The following DENND5B variants were observed in gnomAD, a reference collection of about 807,000 sequenced individuals.
DENND5B encodes DENN domain containing 5B.
Under a neutral mutation model 140.6 loss-of-function variants are expected in DENND5B, and 34 were observed. That is an observed-to-expected ratio of 0.24 (90% confidence interval 0.18 to 0.32). The LOEUF (loss-of-function observed/expected upper bound fraction) is 0.32, where lower values mean the gene tolerates loss of function less well. DENND5B is among the 10% of genes least tolerant of loss of function. DENND5B has a pLI of 1.00. For synonymous variants in DENND5B, 551 were observed against 562.1 expected, an observed-to-expected ratio of 0.98 and a Z score of 0.28; for missense variants, 1,142 against 1,560.2, an observed-to-expected ratio of 0.73 and a Z score of 4.52.
chr12:31,573,129 GTACAA>G (rs1949881372), intron 1 of DENND5B, among the ~76,000 whole-genome samples: 1 of 152,080 alleles, frequency 6.6e-6, no homozygotes, highest in Admixed American at 6.6e-5. Context: ...AGGGAACAGG[GTACAA>G]AATAGTTCCC....
intron 2 of DENND5B, among the ~76,000 whole-genome samples, chr12:31,485,850 G>A (rs930630179): frequency 1.3e-5 from 2 of 152,112 alleles, no homozygotes; most frequent in African/African-American, 4.8e-5. Flanking sequence ...GAGACCAAAT[G>A]AAAGACCACA....
At chr12:31,531,886 T>C (rs12820294) in intron 1 of DENND5B, among the ~76,000 whole-genome samples, 20,431 of 152,140 alleles carry the variant, frequency 0.13, 1,619 homozygotes, top group Non-Finnish European at 0.18. Flanking sequence ...GGCTACTTAT[T>C]TGGAGACATG....
At chr12:31,471,793 A>C (rs1945574564) in intron 3 of DENND5B, among the ~76,000 whole-genome samples, 1 of 152,312 alleles carries the variant, frequency 6.6e-6, no homozygotes, top group South Asian at 2.1e-4. Context: ...ACAGATGGCT[A>C]TATGTGATCC....
At chr12:31,565,919 A>T (rs1446342656) in intron 1 of DENND5B, among the ~76,000 whole-genome samples, 1 of 152,078 alleles carries the variant, frequency 6.6e-6, no homozygotes, top group African/African-American at 2.4e-5. Flanking sequence ...GGGCAGGTGG[A>T]TTGCTTGAAC....
At chr12:31,532,900 G>A (rs1008498814) in intron 1 of DENND5B, among the ~76,000 whole-genome samples, 21 of 152,170 alleles carry the variant, frequency 1.4e-4, no homozygotes, top group African/African-American at 5.1e-4. Flanking sequence ...CGTGGGACCA[G>A]AAGACCTAGG....
At chr12:31,428,247 CAGG>C in intron 8 of DENND5B, among the ~76,000 whole-genome samples, 1 of 149,772 alleles carries the variant, frequency 6.7e-6, no homozygotes, top group Non-Finnish European at 1.5e-5. Context: ...GAGGCTGAGG[CAGG>C]AGAATTGCTT....
At chr12:31,535,449 C>G in intron 1 of DENND5B, among the ~76,000 whole-genome samples, 1 of 152,084 alleles carries the variant, frequency 6.6e-6, no homozygotes, top group East Asian at 1.9e-4. Context: ...TACACACACA[C>G]ACACACTCTG....
chr12:31,409,351 G>A lies in DENND5B; in HGVS notation c.2715C>T (p.Cys905=), dbSNP rs1347376065. The A allele has an allele frequency of 3.8e-6, 6 of 1,558,540 alleles. No individual in the cohort carries two copies. The highest frequency in any genetic ancestry group is 1.4e-5 in the African/African-American group (1 of 72,730). ...KLYKRYAFLR[C]EEEREQFLYH... ...AAAGAAACTGCTCTCTTTCTTCTTC[G>A]CAACGTAGAAAAGCATATCGCTTAT... Residue 905 remains cysteine, a synonymous_variant, in exon 14 of 21, where the codon TGC becomes TGT. Transcript: ENST00000389082.
intron 17 of DENND5B, among the ~76,000 whole-genome samples, chr12:31,397,707 C>T (rs1215160282): frequency 6.6e-6 from 1 of 152,086 alleles, no homozygotes; most frequent in Non-Finnish European, 1.5e-5. Flanking sequence ...AGGCAGATCG[C>T]TTGAGCTCAG....
chr12:31,572,640 C>T (rs1949867831), intron 1 of DENND5B, among the ~76,000 whole-genome samples: 1 of 151,496 alleles, frequency 6.6e-6, no homozygotes, highest in East Asian at 1.9e-4. Flanking sequence ...CTATTTTAGG[C>T]ATCTGAAAAA....
At position 31,447,632 on chromosome 12, in the gene DENND5B, A is replaced by C; in HGVS notation, c.1767T>G (p.Phe589Leu). Residue 589 changes from phenylalanine (F) to leucine (L), a missense_variant, in exon 6 of 21, where the codon TTT becomes TTG. By Grantham distance (22) the Phe-to-Leu change is conservative. Transcript: ENST00000389082. ...WEEKDPLLRV[F>L]DTRIDKIRLY... ...GCCTTATCTTATCAATCCGAGTGTC[A>C]AAGACCCGAAGCAAAGGATCTTTCT... 6.2e-7 allele frequency: 1 copy of C among 1,613,978 alleles called. No homozygotes were observed. The highest frequency in any genetic ancestry group is 8.5e-7 in the Non-Finnish European group (1 of 1,179,878).
chr12:31,551,785 T>C (rs1403236478), intron 1 of DENND5B, among the ~76,000 whole-genome samples: 1 of 152,230 alleles, frequency 6.6e-6, no homozygotes, highest in African/African-American at 2.4e-5. Context: ...TTCACATCCC[T>C]TGTAAGTTGG....
At chr12:31,399,568 T>C (rs1333463854) in intron 16 of DENND5B, 86 bp downstream of exon 16, 2 of 1,104,888 alleles carry the variant, frequency 1.8e-6, no homozygotes, top group Non-Finnish European at 2.6e-6. Flanking sequence ...TGTGAGCCAC[T>C]GTGCCTGGCC....
At chr12:31,530,569 C>T (rs1030801813) in intron 1 of DENND5B, among the ~76,000 whole-genome samples, 3 of 151,970 alleles carry the variant, frequency 2.0e-5, no homozygotes, top group Non-Finnish European at 4.4e-5. Context: ...TTGCTAAAGA[C>T]CTGAAAATCA....
rs1327618924 is a variant in DENND5B at position 31,480,052 on chromosome 12, C to A, written c.441G>T (p.Val147=). Residue 147 remains valine, a synonymous_variant, in exon 3 of 21, where the codon GTG becomes GTT. Coordinates refer to ENST00000389082, the MANE Select transcript of DENND5B (RefSeq NM_144973.4). The part of the protein sequence containing the change: ...QMHNAEHYSS[V]YASSSCSMDS... Reference sequence around the variant, plus strand: ...CCATACTGCAGGAAGATGAAGCATACACACTGCTGTAATGCTCAGCGTTGT... The same window carrying A: ...CCATACTGCAGGAAGATGAAGCATAAACACTGCTGTAATGCTCAGCGTTGT... The A allele has an allele frequency of 1.1e-5, 18 of 1,613,960 alleles. No individual in the cohort carries two copies. The highest frequency in any genetic ancestry group is 1.5e-5 in the Non-Finnish European group (18 of 1,179,834).
intron 2 of DENND5B, among the ~76,000 whole-genome samples, chr12:31,490,331 G>C (rs1946477319): frequency 6.6e-6 from 1 of 152,064 alleles, no homozygotes. Context: ...GTGAGATATG[G>C]CTAGGCATCG....
chr12:31,586,941 A>AT (rs1270299504), intron 1 of DENND5B, among the ~76,000 whole-genome samples: 3 of 152,210 alleles, frequency 2.0e-5, no homozygotes, highest in African/African-American at 7.2e-5. Flanking sequence ...CAGTTTCATG[A>AT]TCCCCAAATG....
chr12:31,432,129 G>A, intron 8 of DENND5B: 2 of 985,098 alleles, frequency 2.0e-6, no homozygotes, highest in East Asian at 2.3e-4. Flanking sequence ...ATGGAGTTCT[G>A]ACAGACCAAA....
chr12:31,416,149 T>C (rs1198866367), intron 11 of DENND5B, among the ~76,000 whole-genome samples: 3 of 152,026 alleles, frequency 2.0e-5, no homozygotes, highest in Non-Finnish European at 2.9e-5. Context: ...AGCTATTTTC[T>C]TTCTATGTAA....
Sources: allele counts gnomAD v4.1 joint callset (sites outside exome capture counted in the v4.1 genomes callset), GRCh38; gene constraint gnomAD v4.1.1; transcripts MANE v1.5; gene names NCBI Gene and HGNC (gene_info 2026-07-23, HGNC 2026-07-21).